Variants in SYNE2 observed in about 807,000 individuals in gnomAD.
SYNE2 encodes the protein nesprin-2.
In SYNE2, 431 loss-of-function variants were observed where a neutral mutation model predicts 856.3. The ratio of observed to expected loss-of-function variants is 0.50; its 90% CI spans 0.47 to 0.55. SYNE2 has a LOEUF of 0.55. Among genes scored for constraint, SYNE2 ranks in the 20% least tolerant of loss-of-function variants. The probability of loss-of-function intolerance (pLI) is 0.00; values close to 1 mark genes in which losing one functional copy is unlikely to be tolerated. For synonymous variants in SYNE2, 2,923 were observed against 2,872.3 expected (o/e 1.02, Z -0.56); for missense variants, 8,129 against 8,023.2 (o/e 1.01, Z -0.50).
At chr14:63,781,231 T>C (rs994601396) in intron 1 of SYNE2, among the ~76,000 whole-genome samples, 1 of 148,558 alleles carries the variant, frequency 6.7e-6, no homozygotes, top group African/African-American at 2.5e-5. Context: ...TGAGCCGAGA[T>C]CGCGCCATTG....
intron 10 of SYNE2, among the ~76,000 whole-genome samples, chr14:63,964,671 T>C (rs1042399802): frequency 6.6e-6 from 1 of 152,038 alleles, no homozygotes; most frequent in Non-Finnish European, 1.5e-5. Context: ...ATTACAGGCA[T>C]GTACCGCCAT....
chr14:63,882,908 T>C (rs1234007080), intron 1 of SYNE2, among the ~76,000 whole-genome samples: 1 of 152,064 alleles, frequency 6.6e-6, no homozygotes, highest in Non-Finnish European at 1.5e-5. Context: ...ATTGTTGATA[T>C]GGTTATTATC....
rs143106799 is a variant in SYNE2, at chr14:64,007,287, A to C, written c.4577+65A>C. On this transcript the variant is annotated intron_variant, in intron 31 of 115. Coordinates refer to ENST00000555002, the MANE Select transcript of SYNE2 (RefSeq NM_182914.3). The stretch of plus-strand genomic sequence containing the variant: ...GTCTGTAGCACAATTAACTTTTTCA[A>C]ACTTCTGGGTTGAAAACACATCTCC... The C allele has an allele frequency of 3.9e-4, 589 of 1,505,844 alleles. 7 individuals carry two copies. In the African/African-American group the frequency reaches 6.3e-3, roughly 16 times the overall value. The allele number at this position is 1,505,844 out of a possible 1,614,324, so 93.3% of individuals were successfully genotyped here. A position where few individuals can be genotyped will look rare whatever the true frequency, so the allele number is the denominator to read the frequency against.
chr14:63,802,802 G>A (rs894215341), intron 1 of SYNE2, among the ~76,000 whole-genome samples: 3 of 152,096 alleles, frequency 2.0e-5, no homozygotes, highest in East Asian at 1.9e-4. Context: ...GCAGACCTTC[G>A]CGGTGAGTGT....
chr14:64,002,373 T>C (rs987319168), intron 29 of SYNE2, among the ~76,000 whole-genome samples: 2 of 152,232 alleles, frequency 1.3e-5, no homozygotes, highest in African/African-American at 2.4e-5. Context: ...ACGAGACTCA[T>C]GCTTAAATGC....
chr14:64,196,289 T>C (rs1353765565), intron 99 of SYNE2, among the ~76,000 whole-genome samples: 1 of 152,140 alleles, frequency 6.6e-6, no homozygotes, highest in Non-Finnish European at 1.5e-5. Flanking sequence ...GGAATGAGTC[T>C]AAGGTAGACT....
intron 6 of SYNE2, among the ~76,000 whole-genome samples, chr14:63,945,497 G>C (rs187006543): frequency 1.3e-5 from 2 of 152,310 alleles, no homozygotes; most frequent in East Asian, 3.9e-4. Context: ...GTATCAGTAA[G>C]TCTTTCTTGT....
rs767942672 is a variant in SYNE2 at position 64,196,334 on chromosome 14, C to T, written c.18038+6097C>T. On this transcript the variant is annotated intron_variant, in intron 99 of 115. Coordinates refer to ENST00000555002, the MANE Select transcript of SYNE2 (RefSeq NM_182914.3). ...CCAAGCACTGCCACTCAGGATTGTC[C>T]GAAGAAACTGAGGCTATAAATAAGG... Among the ~76,000 whole-genome samples the T allele has an allele frequency of 2.6e-5, 4 of 152,202 alleles. 1 individual carries two copies. The highest frequency in any genetic ancestry group is 2.4e-5 in the African/African-American group (1 of 41,518).
chr14:64,067,144 C>T (rs1007377279), intron 51 of SYNE2, among the ~76,000 whole-genome samples: 22 of 152,080 alleles, frequency 1.4e-4, no homozygotes, highest in Non-Finnish European at 2.8e-4. Context: ...TAATTATTCA[C>T]ATAAGCATTT....
intron 66 of SYNE2, among the ~76,000 whole-genome samples, chr14:64,114,663 G>A (rs1038079401): frequency 6.6e-6 from 1 of 150,386 alleles, no homozygotes; most frequent in African/African-American, 2.5e-5. Context: ...TGTCACCCAA[G>A]CTGGAGTGCA....
At chr14:63,832,992 G>A (rs1889725136) in intron 1 of SYNE2, among the ~76,000 whole-genome samples, 1 of 151,654 alleles carries the variant, frequency 6.6e-6, no homozygotes, top group Admixed American at 6.6e-5. Context: ...ACTCCAGCCT[G>A]GGTGACAGAG....
chr14:64,029,917 G>A lies in SYNE2; in HGVS notation c.6737G>A (p.Gly2246Asp). Reference protein sequence around the residue: ...QLQDSVQNLDGHVREHDSYQV... With the variant: ...QLQDSVQNLDDHVREHDSYQV... ...TAGGATTCTGTGCAAAACTTGGACGGTCACGTTCGAGAACATGATTCATAC... is the reference window on the plus strand; with the variant it reads ...TAGGATTCTGTGCAAAACTTGGACGATCACGTTCGAGAACATGATTCATAC... Residue 2246 changes from glycine (G) to aspartate (D), a missense_variant, in exon 44 of 116, where the codon GGT becomes GAT. Physicochemically the swap from Gly to Asp is moderately conservative, Grantham distance 94. This residue lies in a region of SYNE2 where 297 missense variants were observed against 380.9 expected (regional missense o/e 0.78). Coordinates refer to ENST00000555002, the MANE Select transcript of SYNE2 (RefSeq NM_182914.3). The A allele has an allele frequency of 6.2e-7, 1 of 1,613,876 alleles. No individual in the cohort carries two copies. The highest frequency in any genetic ancestry group is 2.2e-5 in the East Asian group (1 of 44,866).
At chr14:63,824,358 G>T (rs1889338063) in intron 1 of SYNE2, among the ~76,000 whole-genome samples, 1 of 152,088 alleles carries the variant, frequency 6.6e-6, no homozygotes, top group Admixed American at 6.6e-5. Flanking sequence ...GCATAACTAG[G>T]CCGAGTGCGG....
chr14:63,914,575 G>C (rs1419969971), intron 2 of SYNE2, among the ~76,000 whole-genome samples: 2 of 152,142 alleles, frequency 1.3e-5, no homozygotes, highest in African/African-American at 4.8e-5. Flanking sequence ...CTGGGTGTTG[G>C]GTACTGTTTG....
intron 89 of SYNE2, among the ~76,000 whole-genome samples, chr14:64,164,630 T>G (rs911855174): frequency 2.0e-5 from 3 of 152,124 alleles, no homozygotes; most frequent in African/African-American, 7.2e-5. Flanking sequence ...GTATCACATC[T>G]CAGTACCAGC....
intron 113 of SYNE2, 91 bp from the exon 114 acceptor site, chr14:64,224,370 G>C: frequency 1.7e-6 from 2 of 1,156,640 alleles, no homozygotes; most frequent in Non-Finnish European, 2.6e-6. Flanking sequence ...AACAAAAAAA[G>C]ATTGATTTAA....
At chr14:64,099,977 T>C (rs1477465375) in intron 63 of SYNE2, 1 of 152,090 alleles carries the variant, frequency 6.6e-6, no homozygotes, top group Non-Finnish European at 1.5e-5. Flanking sequence ...ATCCCATTAC[T>C]GGGTATATAC....
intron 1 of SYNE2, among the ~76,000 whole-genome samples, chr14:63,853,455 G>T (rs896842804): frequency 1.3e-5 from 2 of 151,602 alleles, no homozygotes; most frequent in Non-Finnish European, 2.9e-5. Flanking sequence ...CCAGCCCGCC[G>T]GTCCGCCCGG....
chr14:64,215,249 C>A (rs762438663), intron 106 of SYNE2, 37 bp from the exon 107 acceptor site: 5 of 1,586,240 alleles, frequency 3.2e-6, no homozygotes, highest in East Asian at 4.5e-5. Context: ...AATCTTCAGG[C>A]ACCTCCAGTG....
Sources: gnomAD v4.1 joint callset for allele counts (sites outside exome capture counted in the v4.1 genomes callset) on GRCh38, gnomAD v4.1.1 for gene constraint, gnomAD v4.1.1 regional missense constraint, MANE v1.5 for transcripts, NCBI Gene and HGNC (gene_info 2026-07-23, HGNC 2026-07-21) for gene names.